Variants in AP4E1 observed in about 807,000 individuals in gnomAD.
AP4E1 encodes adaptor related protein complex 4 subunit epsilon 1.
Under a neutral mutation model 128.2 loss-of-function variants are expected in AP4E1, and 56 were observed. The observed-to-expected ratio is 0.44, with a 90% CI of 0.35 to 0.55. The LOEUF is 0.55. AP4E1 is among the 20% of genes least tolerant of loss of function. The pLI is 0.00. For missense variants in AP4E1, 1,324 were observed against 1,307.7 expected (o/e 1.01, Z -0.19); for synonymous variants, 484 against 473.1 (o/e 1.02, Z -0.30).
rs576964549 is a variant in AP4E1 at position 50,991,014 on chromosome 15, G to T, written c.2091-2356G>T. On this transcript the variant is annotated intron_variant, in intron 16 of 20. Coordinates refer to ENST00000261842, the MANE Select transcript of AP4E1 (RefSeq NM_007347.5). ...GTGACAACCTCTGCTGACCCCATGG[G>T]GAGCTCTGGAGCTGGAATGACCCTT... 3.0e-4 allele frequency among the ~76,000 whole-genome samples: 46 copies of T among 152,288 alleles called. 2 individuals carry two copies. In the Middle Eastern group the frequency reaches 0.01, roughly 34 times the overall value.
intron 15 of AP4E1, among the ~76,000 whole-genome samples, chr15:50,969,815 C>G (rs1038575566): frequency 6.6e-6 from 1 of 151,872 alleles, no homozygotes; most frequent in African/African-American, 2.4e-5. Context: ...CCGGCCACCA[C>G]GCCCAGCTAA....
intron 15 of AP4E1, among the ~76,000 whole-genome samples, chr15:50,973,730 C>T (rs544685671): frequency 1.6e-4 from 25 of 152,186 alleles, no homozygotes; most frequent in African/African-American, 4.8e-4. Context: ...TCTATGTTGT[C>T]GTATATTGCA....
intron 10 of AP4E1, among the ~76,000 whole-genome samples, chr15:50,943,272 A>G (rs1871460): frequency 0.21 from 31,636 of 152,100 alleles, 3,851 homozygotes; most frequent in East Asian, 0.45. Context: ...AAACATCTAA[A>G]TATCTTAAAA....
In AP4E1 at chr15:50,985,277, T is replaced by G. The variant is rs548688427; in HGVS notation, c.2090+1132T>G. 9.5e-4 allele frequency among the ~76,000 whole-genome samples: 144 copies of G among 152,210 alleles called. No homozygotes were observed. The Middle Eastern group carries it at 0.01, about 11-fold the overall frequency. ...TGTAGGTTGCCTGTTCACTCTGATG[T>G]TAGTTTCTTTTGCTGTGCAGAAGCT... is the stretch of plus-strand genomic sequence containing the variant. On this transcript the variant is annotated intron_variant, in intron 16 of 20. Transcript: ENST00000261842.
intron 16 of AP4E1, among the ~76,000 whole-genome samples, chr15:50,991,962 C>CTTT (rs61161776): frequency 7.9e-6 from 1 of 126,558 alleles, no homozygotes; most frequent in Admixed American, 8.0e-5. Flanking sequence ...ACACATAGTT[C>CTTT]TTTTTTTTTT....
intron 15 of AP4E1, among the ~76,000 whole-genome samples, chr15:50,969,719 C>T (rs552199248): frequency 6.1e-5 from 9 of 148,004 alleles, no homozygotes; most frequent in Admixed American, 2.1e-4. Flanking sequence ...AGTGCAGTGG[C>T]GTGATCTCGG....
chr15:50,930,927 T>G lies in AP4E1; in HGVS notation c.825T>G (p.Ile275Met), dbSNP rs372102871. ...GTGTGCCAGCACCATGGTTACAAATTCAGCTCTTGAGAATACTGGGACTTC... is the reference window on the plus strand; with the variant it reads ...GTGTGCCAGCACCATGGTTACAAATGCAGCTCTTGAGAATACTGGGACTTC... ...YHSVPAPWLQ[I>M]QLLRILGLLG... Residue 275 changes from isoleucine to methionine, a missense_variant, in exon 7 of 21, where the codon ATT becomes ATG. Ile to Met is a conservative substitution (Grantham distance 10). Coordinates refer to ENST00000261842, the MANE Select transcript of AP4E1 (RefSeq NM_007347.5). 21 of 1,614,094 alleles carry G rather than the reference T, an allele frequency of 1.3e-5. No individual in the cohort carries two copies. The African/African-American group carries it at 2.0e-4, about 15-fold the overall frequency.
At chr15:50,943,234 C>T (rs1335407146) in intron 10 of AP4E1, among the ~76,000 whole-genome samples, 2 of 151,904 alleles carry the variant, frequency 1.3e-5, no homozygotes, top group Non-Finnish European at 2.9e-5. Context: ...TGATTACATT[C>T]TTAAAAAAAG....
chr15:50,914,624 C>T (rs924537775), intron 2 of AP4E1, among the ~76,000 whole-genome samples: 1 of 139,036 alleles, frequency 7.2e-6, no homozygotes, highest in Non-Finnish European at 1.5e-5. Context: ...GTACTCCAGC[C>T]TGGGTGACAG....
rs1174543601 is a variant in AP4E1 at position 50,923,885 on chromosome 15, C to A, written c.347-46C>A. 3.5e-6 allele frequency: 5 copies of A among 1,423,692 alleles called. No individual in the cohort carries two copies. In the Admixed American group the frequency reaches 5.1e-5, roughly 14 times the overall value. The allele number at this position is 1,423,692 out of a possible 1,614,324, so 88.2% of individuals were successfully genotyped here. A position where few individuals can be genotyped will look rare whatever the true frequency, so the allele number is the denominator to read the frequency against. On this transcript the variant is annotated intron_variant, in intron 3 of 20. Coordinates refer to ENST00000261842, the MANE Select transcript of AP4E1 (RefSeq NM_007347.5). Reference sequence around the variant, plus strand: ...CTTTGTTTAACTTCGTGTGAAAAGTCTGTTTTTGGTAGTTAGTAATCAGAC... The same window carrying A: ...CTTTGTTTAACTTCGTGTGAAAAGTATGTTTTTGGTAGTTAGTAATCAGAC...
intron 2 of AP4E1, among the ~76,000 whole-genome samples, chr15:50,914,799 AAT>A (rs2141130506): frequency 6.6e-6 from 1 of 152,276 alleles, no homozygotes; most frequent in East Asian, 1.9e-4. Flanking sequence ...ATCCCTTAAA[AAT>A]TTTTGGCTTG....
chr15:50,958,988 G>T (rs968402528), intron 14 of AP4E1, among the ~76,000 whole-genome samples, 194 bp downstream of exon 14: 1 of 152,096 alleles, frequency 6.6e-6, no homozygotes, highest in Admixed American at 6.6e-5. Context: ...GAGGTGGGTG[G>T]ATCACCTGAG....
chr15:50,924,623 C>T (rs35573737), intron 4 of AP4E1, among the ~76,000 whole-genome samples: 31,642 of 151,968 alleles, frequency 0.21, 3,841 homozygotes, highest in East Asian at 0.45. Context: ...GCTTAAATTT[C>T]TTCCAAACTT....
intron 2 of AP4E1, among the ~76,000 whole-genome samples, chr15:50,914,701 C>T (rs1206937335): frequency 6.8e-6 from 1 of 147,790 alleles, no homozygotes; most frequent in Non-Finnish European, 1.5e-5. Flanking sequence ...TTTTGAAACA[C>T]ATTTTATTTA....
intron 15 of AP4E1, 149 bp from the exon 16 acceptor site, chr15:50,983,873 A>G: frequency 1.5e-6 from 1 of 678,216 alleles, no homozygotes; most frequent in East Asian, 2.9e-5. Context: ...TATTACTGTA[A>G]GTATTTGATT....
At chr15:50,962,734 A>G (rs558583643) in intron 14 of AP4E1, among the ~76,000 whole-genome samples, 1 of 151,982 alleles carries the variant, frequency 6.6e-6, no homozygotes, top group Non-Finnish European at 1.5e-5. Context: ...CAGGCAAAAA[A>G]GACAAAAATG....
rs139498805 is a variant in AP4E1 at position 50,975,111 on chromosome 15, A to G, written c.1966+6734A>G. The stretch of plus-strand genomic sequence containing the variant: ...ATTATTGTAAAGACCAATGTCATAA[A>G]GCAGCTTTTACCAGCTGGGCGCGGT... On this transcript the variant is annotated intron_variant, in intron 15 of 20. Coordinates refer to ENST00000261842, the MANE Select transcript of AP4E1 (RefSeq NM_007347.5). Among the ~76,000 whole-genome samples, 33 of 152,324 alleles carry G rather than the reference A, an allele frequency of 2.2e-4. No homozygotes were observed. In the East Asian group the frequency reaches 6.2e-3, roughly 28 times the overall value.
chr15:51,001,010 T>A lies in AP4E1; in HGVS notation c.3096-16T>A, dbSNP rs781084384. 37 of 1,596,580 alleles carry A rather than the reference T, an allele frequency of 2.3e-5. No homozygotes were observed. Among genetic ancestry groups the A allele is most frequent in the Non-Finnish European group, 2.9e-5 (34 of 1,165,624 alleles). On this transcript the variant is annotated splice_polypyrimidine_tract_variant and intron_variant, in intron 19 of 20. Transcript: ENST00000261842. ...ACTGTTTTTGACATATATCTAATTT[T>A]AAAAATTATTTTCAGACCATTAAAA...
intron 14 of AP4E1, among the ~76,000 whole-genome samples, chr15:50,966,830 C>T (rs542881430): frequency 3.3e-5 from 5 of 152,316 alleles, no homozygotes; most frequent in South Asian, 4.1e-4. Flanking sequence ...AGCCACCACG[C>T]GTGGCCTAAG....
Sources: gnomAD v4.1 joint callset for allele counts (sites outside exome capture counted in the v4.1 genomes callset) on GRCh38, gnomAD v4.1.1 for gene constraint, MANE v1.5 for transcripts, NCBI Gene and HGNC (gene_info 2026-07-23, HGNC 2026-07-21) for gene names.